The following GALNTL6 variants were observed in gnomAD, a reference collection of about 807,000 sequenced individuals.
The protein encoded by GALNTL6 is polypeptide N-acetylgalactosaminyltransferase-like 6.
A neutral mutation model predicts 73.7 loss-of-function variants in GALNTL6; 46 were observed. That is an observed-to-expected ratio of 0.62 (90% CI 0.49 to 0.80). The LOEUF (loss-of-function observed/expected upper bound fraction) is 0.80. Ranked by LOEUF, GALNTL6 falls within the 30% of genes least tolerant of loss-of-function variation. The pLI is 0.00. For synonymous variants in GALNTL6, 259 were observed against 263.7 expected (o/e 0.98, Z 0.17); for missense variants, 604 against 755.0 (o/e 0.80, Z 2.34).
chr4:172,831,793 A>G (rs1742653985), intron 7 of GALNTL6, among the ~76,000 whole-genome samples: 1 of 152,240 alleles, frequency 6.6e-6, no homozygotes, highest in African/African-American at 2.4e-5. Flanking sequence ...GGATAGGATT[A>G]GTGCCCTTAT....
chr4:172,146,969 T>G (rs969589945), intron 2 of GALNTL6, among the ~76,000 whole-genome samples: 3 of 152,212 alleles, frequency 2.0e-5, no homozygotes, highest in African/African-American at 7.2e-5. Flanking sequence ...AAATTAAGTA[T>G]GTATTTTTAG....
At chr4:171,999,689 G>C (rs1368351204) in intron 2 of GALNTL6, among the ~76,000 whole-genome samples, 3 of 151,904 alleles carry the variant, frequency 2.0e-5, no homozygotes, top group Admixed American at 2.0e-4. Context: ...ATTTATATTA[G>C]CTTTATTTTC....
chr4:171,903,250 G>T (rs1737157718), intron 2 of GALNTL6, among the ~76,000 whole-genome samples: 1 of 152,110 alleles, frequency 6.6e-6, no homozygotes, highest in Non-Finnish European at 1.5e-5. Context: ...TCTCACTAGG[G>T]AGTGCCAGAC....
intron 2 of GALNTL6, among the ~76,000 whole-genome samples, chr4:171,818,108 A>G (rs1039047431): frequency 5.3e-5 from 8 of 151,706 alleles, no homozygotes; most frequent in African/African-American, 1.9e-4. Context: ...AGTAATTCTT[A>G]GCTTCATTTT....
intron 2 of GALNTL6, among the ~76,000 whole-genome samples, chr4:172,229,189 C>T (rs1383228022): frequency 1.3e-5 from 2 of 152,136 alleles, no homozygotes; most frequent in African/African-American, 2.4e-5. Context: ...GAGTATTTAA[C>T]GTAGAACCTG....
intron 11 of GALNTL6, among the ~76,000 whole-genome samples, chr4:173,020,608 A>G (rs1752952298): frequency 6.6e-6 from 1 of 152,188 alleles, no homozygotes; most frequent in South Asian, 2.1e-4. Context: ...TAATTGGCCC[A>G]TTCTTCACTT....
intron 2 of GALNTL6, among the ~76,000 whole-genome samples, chr4:171,878,554 A>C (rs1736342892): frequency 6.6e-6 from 1 of 152,208 alleles, no homozygotes; most frequent in Non-Finnish European, 1.5e-5. Flanking sequence ...ATACGTATAC[A>C]TAAACCCTTA....
At chr4:172,302,860 A>G (rs2654786) in intron 3 of GALNTL6, among the ~76,000 whole-genome samples, 20,943 of 151,548 alleles carry the variant, frequency 0.14, 1,760 homozygotes, top group East Asian at 0.36. Context: ...TTTGTTTTCT[A>G]TATGTCTCAT....
At chr4:172,621,573 CTAAAAA>C (rs1468920525) in intron 5 of GALNTL6, among the ~76,000 whole-genome samples, 1 of 152,150 alleles carries the variant, frequency 6.6e-6, no homozygotes, top group East Asian at 1.9e-4. Flanking sequence ...GTTTATTCCT[CTAAAAA>C]GAGATTTTTC....
intron 11 of GALNTL6, among the ~76,000 whole-genome samples, chr4:173,011,537 A>T (rs993585486): frequency 2.0e-5 from 3 of 152,140 alleles, no homozygotes; most frequent in Non-Finnish European, 4.4e-5. Flanking sequence ...TTTGTACATG[A>T]CAAGAGATGG....
At chr4:172,320,182 G>A (rs1370113608) in intron 4 of GALNTL6, among the ~76,000 whole-genome samples, 1 of 152,082 alleles carries the variant, frequency 6.6e-6, no homozygotes, top group Non-Finnish European at 1.5e-5. Flanking sequence ...GTGGGGTATA[G>A]CATGCTGAGA....
intron 2 of GALNTL6, among the ~76,000 whole-genome samples, chr4:172,063,699 C>T (rs191316256): frequency 6.6e-6 from 1 of 152,100 alleles, no homozygotes; most frequent in Non-Finnish European, 1.5e-5. Flanking sequence ...CCTTTAGTGT[C>T]TCTCCTGGGT....
At position 172,614,930 on chromosome 4, in the gene GALNTL6, TA is replaced by T. The variant is rs560301387; in HGVS notation, c.554-194423del. 8.5e-5 allele frequency among the ~76,000 whole-genome samples: 13 copies of T among 152,060 alleles called. 1 individual carries two copies. In the South Asian group the frequency reaches 2.5e-3, roughly 29 times the overall value. On this transcript the variant is annotated intron_variant, in intron 5 of 12. Coordinates refer to ENST00000506823, the MANE Select transcript of GALNTL6 (RefSeq NM_001034845.3). ...TGAGGTCAACCGTGAGCAGAAAGTTTAAAAAAAATGTATTCCAGAAGAAACG... is the reference window on the plus strand; with the variant it reads ...TGAGGTCAACCGTGAGCAGAAAGTTTAAAAAAATGTATTCCAGAAGAAACG...
intron 4 of GALNTL6, among the ~76,000 whole-genome samples, chr4:172,314,972 C>CT (rs888919823): frequency 2.6e-5 from 4 of 151,992 alleles, no homozygotes; most frequent in African/African-American, 9.7e-5. Flanking sequence ...AAATAAACTG[C>CT]TTTTTTTGGC....
intron 3 of GALNTL6, among the ~76,000 whole-genome samples, chr4:172,247,687 T>C (rs564980342): frequency 6.6e-6 from 1 of 152,258 alleles, no homozygotes; most frequent in Non-Finnish European, 1.5e-5. Flanking sequence ...ATTAGATGAG[T>C]TAAGTCTCAC....
chr4:172,527,703 T>A (rs1735010611), intron 5 of GALNTL6, among the ~76,000 whole-genome samples: 1 of 152,234 alleles, frequency 6.6e-6, no homozygotes, highest in African/African-American at 2.4e-5. Flanking sequence ...CTTACAAGTA[T>A]GATTTAATAA....
intron 3 of GALNTL6, among the ~76,000 whole-genome samples, chr4:172,278,818 A>G (rs1738927419): frequency 6.6e-6 from 1 of 152,202 alleles, no homozygotes; most frequent in Admixed American, 6.5e-5. Context: ...CTAATTTCAA[A>G]ACTTATGACA....
At chr4:172,444,188 A>G (rs1222831792) in intron 5 of GALNTL6, among the ~76,000 whole-genome samples, 1 of 152,220 alleles carries the variant, frequency 6.6e-6, no homozygotes, top group Non-Finnish European at 1.5e-5. Context: ...GTGAAATGCT[A>G]GATGATTGAC....
At chr4:172,409,186 T>C (rs1426027877) in intron 5 of GALNTL6, among the ~76,000 whole-genome samples, 1 of 152,058 alleles carries the variant, frequency 6.6e-6, no homozygotes, top group Non-Finnish European at 1.5e-5. Flanking sequence ...TGTATTTCAG[T>C]TGAAGACTAA....
Sources: gnomAD v4.1 joint callset for allele counts (sites outside exome capture counted in the v4.1 genomes callset) on GRCh38, gnomAD v4.1.1 for gene constraint, MANE v1.5 for transcripts, NCBI Gene and HGNC (gene_info 2026-07-23, HGNC 2026-07-21) for gene names.